FANCC: variants seen among roughly 807,000 people sequenced by gnomAD.
FANCC encodes the protein FA complementation group C, also known as Fanconi anemia group C protein.
A neutral mutation model predicts 71.3 loss-of-function variants in FANCC; 55 were observed. The observed-to-expected ratio is 0.77, with a 90% confidence interval of 0.62 to 0.97. FANCC has a LOEUF of 0.97. Ranked by LOEUF, FANCC falls within the 50% of genes least tolerant of loss-of-function variation. The pLI is 0.00. For missense variants in FANCC, 678 were observed against 670.9 expected, an observed-to-expected ratio of 1.01 and a Z score of -0.12; for synonymous variants, 275 against 244.9, an observed-to-expected ratio of 1.12 and a Z score of -1.15.
chr9:95,187,499 G>A (rs142975637), intron 4 of FANCC, among the ~76,000 whole-genome samples: 231 of 152,332 alleles, frequency 1.5e-3, no homozygotes, highest in Non-Finnish European at 2.7e-3. Context: ...CTAAGTCAGC[G>A]TTTCTCAGGA....
chr9:95,283,828 T>C (rs1278725273), intron 1 of FANCC, among the ~76,000 whole-genome samples: 1 of 152,202 alleles, frequency 6.6e-6, no homozygotes. Context: ...AATGTCAGCA[T>C]AACAGAGTGA....
At chr9:95,251,524 T>G (rs1276496732) in intron 1 of FANCC, among the ~76,000 whole-genome samples, 1 of 151,988 alleles carries the variant, frequency 6.6e-6, no homozygotes, top group Admixed American at 6.6e-5. Flanking sequence ...CCATGTTGGC[T>G]AGGCGGGTCT....
chr9:95,156,701 G>C (rs986359808), intron 6 of FANCC, among the ~76,000 whole-genome samples: 3 of 152,068 alleles, frequency 2.0e-5, no homozygotes, highest in African/African-American at 7.2e-5. Flanking sequence ...GTTCTCCAGT[G>C]AATTATAAAT....
intron 1 of FANCC, among the ~76,000 whole-genome samples, chr9:95,278,327 TAC>T (rs1367411292): frequency 1.3e-5 from 2 of 152,222 alleles, no homozygotes; most frequent in Non-Finnish European, 2.9e-5. Flanking sequence ...ATGAAAGTGA[TAC>T]ACAGTCAGTA....
chr9:95,159,868 G>A (rs1830648558), intron 6 of FANCC, among the ~76,000 whole-genome samples: 1 of 152,176 alleles, frequency 6.6e-6, no homozygotes, highest in Non-Finnish European at 1.5e-5. Context: ...AATTTTTGAT[G>A]GGGTTGTTTG....
intron 4 of FANCC, among the ~76,000 whole-genome samples, chr9:95,225,936 T>G (rs550490401): frequency 6.6e-6 from 1 of 152,276 alleles, no homozygotes; most frequent in Non-Finnish European, 1.5e-5. Flanking sequence ...TAGAGACATT[T>G]TAAAAATTCA....
chr9:95,250,701 A>G (rs906177562), intron 1 of FANCC, among the ~76,000 whole-genome samples: 2 of 152,204 alleles, frequency 1.3e-5, no homozygotes, highest in African/African-American at 4.8e-5. Flanking sequence ...CAAGTCTACC[A>G]CCAAAATAAA....
At chr9:95,194,762 T>C (rs1176592433) in intron 4 of FANCC, among the ~76,000 whole-genome samples, 1 of 152,214 alleles carries the variant, frequency 6.6e-6, no homozygotes. Context: ...CCTTTGTTAT[T>C]TGTGGCTTGC....
rs893899421 is a variant in FANCC at position 95,178,288 on chromosome 9, C to G, written c.346-6141G>C. Among the ~76,000 whole-genome samples, 3 of 152,220 alleles carry G rather than the reference C, an allele frequency of 2.0e-5. No individual in the cohort carries two copies. The South Asian group carries it at 6.2e-4, about 32-fold the overall frequency. The stretch of plus-strand genomic sequence containing the variant: ...GACCTTATCTGAATCCCATCAAAGC[C>G]CACATTGTCCTCCAGCCTCTAACGT... On this transcript the variant is annotated intron_variant, in intron 4 of 14. Transcript: ENST00000289081.
chr9:95,220,953 C>T (rs924640188), intron 4 of FANCC, among the ~76,000 whole-genome samples: 30 of 152,110 alleles, frequency 2.0e-4, no homozygotes, highest in Admixed American at 1.2e-3. Context: ...CTGTCTGGGC[C>T]GGGCGTGGTG....
rs111535194 is a variant in FANCC, at chr9:95,218,294, G to A, written c.345+22355C>T. ...AGCCTGGGCAACACAGGAAAACCTC[G>A]TTGCCATAAAAAATTTCAAAATTAG... On this transcript the variant is annotated intron_variant, in intron 4 of 14. Transcript: ENST00000289081. Among the ~76,000 whole-genome samples, 557 of 152,136 alleles carry A rather than the reference G, an allele frequency of 3.7e-3. 2 individuals are homozygous for A. The highest frequency in any genetic ancestry group is 0.013 in the African/African-American group (534 of 41,502).
At chr9:95,161,846 T>TC (rs1491022088) in intron 6 of FANCC, among the ~76,000 whole-genome samples, 4 of 142,552 alleles carry the variant, frequency 2.8e-5, no homozygotes, top group African/African-American at 1.1e-4. Flanking sequence ...TCTTTTCTTT[T>TC]TTTTTTTTTT....
intron 4 of FANCC, among the ~76,000 whole-genome samples, chr9:95,199,780 A>T (rs1199150252): frequency 2.6e-5 from 4 of 152,198 alleles, no homozygotes; most frequent in Admixed American, 2.0e-4. Flanking sequence ...CCTTGGTACA[A>T]TGGCTCTGCT....
At chr9:95,143,860 G>A (rs1829126011) in intron 7 of FANCC, among the ~76,000 whole-genome samples, 1 of 152,188 alleles carries the variant, frequency 6.6e-6, no homozygotes, top group Admixed American at 6.5e-5. Flanking sequence ...GACATGAAAA[G>A]TTGACATTTA....
intron 10 of FANCC, among the ~76,000 whole-genome samples, chr9:95,120,259 T>C (rs916848340): frequency 2.6e-5 from 4 of 152,224 alleles, no homozygotes; most frequent in Non-Finnish European, 5.9e-5. Flanking sequence ...GCATCATTTG[T>C]TGAAAACGTT....
At chr9:95,317,016 G>A (rs922545072) in intron 1 of FANCC, 59 of 152,524 alleles carry the variant, frequency 3.9e-4, no homozygotes, top group African/African-American at 1.4e-3. Flanking sequence ...GGCGAATGGG[G>A]TTTGGGGGCA....
rs774029807 is a variant in FANCC, at chr9:95,240,716, C to T, written c.278G>A (p.Cys93Tyr). Residue 93 changes from cysteine to tyrosine, a missense_variant, in exon 4 of 15, where the codon TGC (cysteine) becomes TAC (tyrosine). Transcript: ENST00000289081. ...YDESQKILIW[C>Y]LCCLINKEPQ... ...TTCTTTGTTAATTAGACAACATAAG[C>T]ACCATATTAGAATTTTTTGGCTTTC... The T allele has an allele frequency of 8.1e-6, 13 of 1,612,584 alleles. No individual in the cohort carries two copies. Among genetic ancestry groups the T allele is most frequent in the South Asian group, 6.6e-5 (6 of 90,828 alleles).
chr9:95,213,703 T>C (rs1588291291), intron 4 of FANCC, among the ~76,000 whole-genome samples: 1 of 152,044 alleles, frequency 6.6e-6, no homozygotes, highest in East Asian at 1.9e-4. Flanking sequence ...ACTATAAAAT[T>C]CTTAGAAGAA....
chr9:95,292,856 C>G, intron 1 of FANCC: 1 of 1,585,062 alleles, frequency 6.3e-7, no homozygotes. Context: ...GCAATTCGTA[C>G]GGTACAGAAT....
Sources: gnomAD v4.1 joint callset for allele counts (sites outside exome capture counted in the v4.1 genomes callset) on GRCh38, gnomAD v4.1.1 for gene constraint, MANE v1.5 for transcripts, NCBI Gene and HGNC (gene_info 2026-07-23, HGNC 2026-07-21) for gene names.